TMEM117: variants seen among roughly 807,000 people sequenced by gnomAD.
TMEM117 encodes the protein transmembrane protein 117.
In TMEM117, 27 loss-of-function variants were observed where a neutral mutation model predicts 52.4. The ratio of observed to expected loss-of-function variants is 0.51; its 90% CI spans 0.38 to 0.71. The LOEUF (loss-of-function observed/expected upper bound fraction) is 0.71. TMEM117 is among the 30% of genes least tolerant of loss of function. TMEM117 has a pLI of 0.00. For synonymous variants in TMEM117, 215 were observed against 206.3 expected (o/e 1.04, Z -0.36); for missense variants, 556 against 630.5 (o/e 0.88, Z 1.26).
chr12:44,090,805 G>C (rs1338229477), intron 3 of TMEM117, among the ~76,000 whole-genome samples: 1 of 128,318 alleles, frequency 7.8e-6, no homozygotes, highest in Admixed American at 7.4e-5. Context: ...GTGCCTTTTT[G>C]TTTGTGTACT....
intron 6 of TMEM117, among the ~76,000 whole-genome samples, chr12:44,357,508 G>T (rs1951666241): frequency 6.6e-6 from 1 of 152,084 alleles, no homozygotes; most frequent in Admixed American, 6.6e-5. Context: ...ACTACAAGTG[G>T]ATAGAGTGTG....
rs544965547 is a variant in TMEM117, at chr12:44,011,357, T to C, written c.410+67015T>C. Among the ~76,000 whole-genome samples, 8 of 152,264 alleles carry C rather than the reference T, an allele frequency of 5.3e-5. No homozygotes were observed. In the South Asian group the frequency reaches 1.7e-3, roughly 32 times the overall value. On this transcript the variant is annotated intron_variant, in intron 3 of 7. Transcript: ENST00000266534. ...TCTTGAATTGTAACTCCCACAATTC[T>C]CATTCCAAGTGGAAGTAATTGAATC...
chr12:44,293,974 T>G (rs1431239724), intron 5 of TMEM117, among the ~76,000 whole-genome samples: 1 of 152,178 alleles, frequency 6.6e-6, no homozygotes, highest in Non-Finnish European at 1.5e-5. Flanking sequence ...TCAGCATTCT[T>G]TTAAAAGTCA....
At chr12:43,894,858 T>A (rs1367934495) in intron 2 of TMEM117, among the ~76,000 whole-genome samples, 2 of 152,212 alleles carry the variant, frequency 1.3e-5, no homozygotes, top group Non-Finnish European at 2.9e-5. Flanking sequence ...TGCCCTTTTT[T>A]TTTAAATAGA....
chr12:44,062,608 A>G, intron 3 of TMEM117, among the ~76,000 whole-genome samples: 1 of 152,174 alleles, frequency 6.6e-6, no homozygotes, highest in Non-Finnish European at 1.5e-5. Context: ...TGTGAGAAGG[A>G]CTTTTTTGAT....
intron 3 of TMEM117, among the ~76,000 whole-genome samples, chr12:43,963,516 G>A (rs1289057425): frequency 6.6e-6 from 1 of 152,198 alleles, no homozygotes; most frequent in African/African-American, 2.4e-5. Context: ...ATGCTGTCAA[G>A]TTAATACAGG....
chr12:44,228,115 AAGAG>A (rs1345117315), intron 5 of TMEM117, among the ~76,000 whole-genome samples: 4 of 152,020 alleles, frequency 2.6e-5, no homozygotes, highest in African/African-American at 9.7e-5. Context: ...ATTTTGTTCT[AAGAG>A]AGATAGGAAG....
intron 2 of TMEM117, among the ~76,000 whole-genome samples, chr12:43,931,969 C>G (rs949842801): frequency 6.6e-6 from 1 of 152,114 alleles, no homozygotes; most frequent in Non-Finnish European, 1.5e-5. Context: ...GAAAGTAAGT[C>G]TAGATTTTAA....
At chr12:44,302,166 G>A (rs143600680) in intron 6 of TMEM117, among the ~76,000 whole-genome samples, 9 of 151,898 alleles carry the variant, frequency 5.9e-5, no homozygotes, top group East Asian at 1.9e-4. Flanking sequence ...ACACATCCAC[G>A]TACCATATGC....
At chr12:44,269,541 C>T (rs1950421083) in intron 5 of TMEM117, among the ~76,000 whole-genome samples, 1 of 151,448 alleles carries the variant, frequency 6.6e-6, no homozygotes, top group South Asian at 2.1e-4. Context: ...AATAATGGCT[C>T]CATGTTTCTC....
intron 2 of TMEM117, among the ~76,000 whole-genome samples, chr12:43,877,521 G>C (rs1943819557): frequency 1.3e-5 from 2 of 151,794 alleles, no homozygotes; most frequent in Admixed American, 1.3e-4. Flanking sequence ...TGTCATCCTA[G>C]CTACTTGGGA....
the TMEM117 span, among the ~76,000 whole-genome samples, chr12:43,830,438 C>G: frequency 6.6e-6 from 1 of 151,964 alleles, no homozygotes; most frequent in Admixed American, 6.6e-5. Flanking sequence ...GAAACCCCGT[C>G]TCTACTAAAA....
chr12:44,042,761 TACACACACACACACACAC>T lies in TMEM117; in HGVS notation c.410+98450_410+98467del, dbSNP rs61350418. 2.8e-3 allele frequency among the ~76,000 whole-genome samples: 373 copies of T among 132,150 alleles called. 3 individuals carry two copies. Among genetic ancestry groups the T allele is most frequent in the African/African-American group, 9.1e-3 (326 of 36,000 alleles). 86.7% of individuals were successfully genotyped at this position (132,150 alleles called of 152,430 possible). ...TTGTGTAAGTTAATCCTTAATAAACTACACACACACACACACACACACACACACACACACACACACACA... is the reference window on the plus strand; with the variant it reads ...TTGTGTAAGTTAATCCTTAATAAACTACACACACACACACACACACACACA... On this transcript the variant is annotated intron_variant, in intron 3 of 7. Transcript: ENST00000266534.
the TMEM117 span, among the ~76,000 whole-genome samples, chr12:43,826,207 T>C: frequency 1.3e-5 from 2 of 152,246 alleles, no homozygotes; most frequent in East Asian, 3.8e-4. Context: ...TCAGTGAGTC[T>C]ACCTTGGCTT....
intron 3 of TMEM117, among the ~76,000 whole-genome samples, chr12:43,990,237 C>T (rs937767962): frequency 1.3e-5 from 2 of 152,190 alleles, no homozygotes; most frequent in Middle Eastern, 3.4e-3. Context: ...CTGCTTTCAA[C>T]CCACGTGAAA....
At chr12:44,239,578 A>G (rs146171943) in intron 5 of TMEM117, among the ~76,000 whole-genome samples, 20 of 152,260 alleles carry the variant, frequency 1.3e-4, no homozygotes, top group South Asian at 4.1e-4. Context: ...TTTGTTCAGT[A>G]TTCAGTTATA....
intron 3 of TMEM117, among the ~76,000 whole-genome samples, chr12:43,988,706 C>T (rs7312422): frequency 0.72 from 108,919 of 151,900 alleles, 43,967 homozygotes; most frequent in Non-Finnish European, 0.88. Flanking sequence ...GATTTCACCA[C>T]GCTGCACTGT....
intron 3 of TMEM117, among the ~76,000 whole-genome samples, chr12:43,969,249 G>A (rs1236776658): frequency 1.3e-5 from 2 of 151,090 alleles, no homozygotes; most frequent in African/African-American, 4.9e-5. Context: ...GGCCGGGCGC[G>A]GTGGCTCATG....
At chr12:44,340,673 T>C (rs1319443311) in intron 6 of TMEM117, among the ~76,000 whole-genome samples, 2 of 152,114 alleles carry the variant, frequency 1.3e-5, no homozygotes, top group Admixed American at 6.6e-5. Flanking sequence ...TAGTTGCCTT[T>C]ACAAGAAGGA....
Sources: gnomAD v4.1 joint callset for allele counts (sites outside exome capture counted in the v4.1 genomes callset) on GRCh38, gnomAD v4.1.1 for gene constraint, MANE v1.5 for transcripts, NCBI Gene and HGNC (gene_info 2026-07-23, HGNC 2026-07-21) for gene names.